SLC18A1: variants seen among roughly 807,000 people sequenced by gnomAD.
SLC18A1 encodes solute carrier family 18 member A1.
In SLC18A1, 69 loss-of-function variants were observed where a neutral mutation model predicts 53.7. The ratio of observed to expected loss-of-function variants is 1.28; its 90% CI spans 1.06 to 1.57. SLC18A1 has a LOEUF of 1.57. Ranked by LOEUF, SLC18A1 falls within the 40% of genes most tolerant of loss-of-function variation. The pLI is 0.00. For synonymous variants in SLC18A1, 320 were observed against 248.1 expected (o/e 1.29, Z -2.72); for missense variants, 932 against 668.1 (o/e 1.40, Z -4.35).
intron 10 of SLC18A1, among the ~76,000 whole-genome samples, chr8:20,162,785 T>G (rs983824833): frequency 2.4e-4 from 36 of 152,166 alleles, no homozygotes; most frequent in African/African-American, 8.4e-4. Flanking sequence ...CTAAAAAGAT[T>G]CAGACTTTCT....
chr8:20,180,041 TG>T (rs1176722084), intron 2 of SLC18A1, among the ~76,000 whole-genome samples: 21 of 152,138 alleles, frequency 1.4e-4, no homozygotes, highest in Admixed American at 1.4e-3. Flanking sequence ...TTAACACTTC[TG>T]AACTTCTTTT....
Position 20,178,994 on chromosome 8 carries a change from A to G in SLC18A1, c.488+127T>C. On this transcript the variant is annotated intron_variant, in intron 3 of 15. Coordinates refer to ENST00000276373, the MANE Select transcript of SLC18A1 (RefSeq NM_003053.4). ...ATTCTTTGAGTAACGAGCTTTCCGA[A>G]TAGCTGACTCCCCTGAGGAATCATA... 11 of 1,151,654 alleles carry G rather than the reference A, an allele frequency of 9.6e-6. No individual in the cohort carries two copies. The South Asian group carries it at 1.8e-4, about 19-fold the overall frequency. The allele number at this position is 1,151,654 out of a possible 1,614,324, so 71.3% of individuals were successfully genotyped here. A position where few individuals can be genotyped will look rare whatever the true frequency, so the allele number is the denominator to read the frequency against.
intron 10 of SLC18A1, among the ~76,000 whole-genome samples, chr8:20,164,627 C>T (rs1484567248): frequency 6.6e-6 from 1 of 152,186 alleles, no homozygotes; most frequent in Non-Finnish European, 1.5e-5. Context: ...AATCATTAAT[C>T]ATCCTACTAC....
In SLC18A1 at chr8:20,165,034, A is replaced by G. The variant is rs977486886; in HGVS notation, c.919+13T>C. ...GACACTCCCCGCCCAATGGGAGGTCATCGCCAGCTTACCTGCAGCCACCAG... is the reference window on the plus strand; with the variant it reads ...GACACTCCCCGCCCAATGGGAGGTCGTCGCCAGCTTACCTGCAGCCACCAG... On this transcript the variant is annotated intron_variant, in intron 9 of 15. Transcript: ENST00000276373. 4.3e-6 allele frequency: 7 copies of G among 1,614,044 alleles called. No individual in the cohort carries two copies. The Admixed American group carries it at 5.0e-5, about 12-fold the overall frequency.
chr8:20,147,891 CT>C lies in SLC18A1; in HGVS notation c.1210+115del, dbSNP rs2128866989. 3 of 1,437,820 alleles carry C rather than the reference CT, an allele frequency of 2.1e-6. No individual in the cohort carries two copies. The East Asian group carries it at 7.2e-5, about 34-fold the overall frequency. 89.1% of individuals were successfully genotyped at this position (1,437,820 alleles called of 1,614,324 possible). A position where few individuals can be genotyped will look rare whatever the true frequency, so the allele number is the denominator to read the frequency against. On this transcript the variant is annotated intron_variant, in intron 13 of 15. Coordinates refer to ENST00000276373, the MANE Select transcript of SLC18A1 (RefSeq NM_003053.4). Reference sequence around the variant, plus strand: ...TCTCTCCACAACCCTGCCAGCTGCCCTCCTGATCCTTCTGCCTCTGCACCTA... The same window carrying C: ...TCTCTCCACAACCCTGCCAGCTGCCCCCTGATCCTTCTGCCTCTGCACCTA...
At position 20,150,744 on chromosome 8, in the gene SLC18A1, C is replaced by T. The variant is rs773971258; in HGVS notation, c.1016G>A (p.Gly339Asp). ...CACACTGGCAGGCAAGAAAGCTAGA[C>T]CTGTGGAAGGACACAGATCCTTACC... ...QTMCSPKWQL[G>D]LAFLPASVSY... is the part of the protein sequence containing the mutation. Residue 339 changes from glycine (G) to aspartate (D), a missense_variant and splice_region_variant, in exon 11 of 16, where the codon GGT becomes GAT. By Grantham distance (94) the Gly-to-Asp change is moderately conservative. Coordinates refer to ENST00000276373, the MANE Select transcript of SLC18A1 (RefSeq NM_003053.4). The T allele has an allele frequency of 1.2e-6, 2 of 1,613,822 alleles. No individual in the cohort carries two copies. Among genetic ancestry groups the T allele is most frequent in the Admixed American group, 3.3e-5 (2 of 60,030 alleles).
chr8:20,176,764 T>C (rs1419917355), intron 4 of SLC18A1, among the ~76,000 whole-genome samples: 1 of 152,244 alleles, frequency 6.6e-6, no homozygotes, highest in Non-Finnish European at 1.5e-5. Context: ...ATGGAAATAA[T>C]AATTATTTAA....
At chr8:20,179,016 C>G in intron 3 of SLC18A1, 105 bp downstream of exon 3, 1 of 1,367,556 alleles carries the variant, frequency 7.3e-7, no homozygotes, top group Non-Finnish European at 9.9e-7. Context: ...CCTGAGGAAT[C>G]ATACAAGTGA....
intron 8 of SLC18A1, among the ~76,000 whole-genome samples, chr8:20,168,762 G>A (rs191777753): frequency 6.6e-6 from 1 of 152,146 alleles, no homozygotes; most frequent in African/African-American, 2.4e-5. Context: ...CAGAGACAGG[G>A]TTTTGCCATG....
At chr8:20,179,670 C>T (rs895915377) in intron 2 of SLC18A1, among the ~76,000 whole-genome samples, 186 bp from the exon 3 acceptor site, 11 of 152,190 alleles carry the variant, frequency 7.2e-5, no homozygotes, top group Non-Finnish European at 1.2e-4. Context: ...CAGCCTTATG[C>T]CCAAGGCTGG....
Position 20,146,822 on chromosome 8 carries a change from C to CA in SLC18A1, c.1464+435dup, listed in dbSNP as rs10604873. Among the ~76,000 whole-genome samples the CA allele has an allele frequency of 5.3e-3, 733 of 137,712 alleles. 5 individuals are homozygous for CA. The highest frequency in any genetic ancestry group is 0.015 in the African/African-American group (562 of 37,446). The allele number at this position is 137,712 out of a possible 152,430, so 90.3% of individuals were successfully genotyped here. On this transcript the variant is annotated intron_variant, in intron 15 of 15. Coordinates refer to ENST00000276373, the MANE Select transcript of SLC18A1 (RefSeq NM_003053.4). ...CTGGGCAACAAGAGTGAAACTCCAT[C>CA]AAAAAAAAAAAAAAAAAGTGACCTG...
chr8:20,169,644 T>C (rs2072060119), intron 8 of SLC18A1, among the ~76,000 whole-genome samples: 1 of 152,152 alleles, frequency 6.6e-6, no homozygotes, highest in Admixed American at 6.5e-5. Context: ...TTTGGGAGGC[T>C]GAGGCGGATG....
chr8:20,182,965 C>G (rs1305941314), intron 1 of SLC18A1, 98 bp downstream of exon 1: 1 of 152,174 alleles, frequency 6.6e-6, no homozygotes. Flanking sequence ...AATTTGCCAA[C>G]AAATCAATAG....
At position 20,147,225 on chromosome 8, in the gene SLC18A1, T is replaced by C. The variant is rs373801470; in HGVS notation, c.1464+33A>G. ...GAGAGATGATGGAAAGAAACAGAAG[T>C]GAATTTCTCTTTTAACAGTCGGTGC... On this transcript the variant is annotated intron_variant, in intron 15 of 15. Coordinates refer to ENST00000276373, the MANE Select transcript of SLC18A1 (RefSeq NM_003053.4). 8.3e-6 allele frequency: 13 copies of C among 1,564,638 alleles called. No homozygotes were observed. In the African/African-American group the frequency reaches 1.5e-4, roughly 18 times the overall value.
chr8:20,178,838 A>C (rs2072325564), intron 3 of SLC18A1, among the ~76,000 whole-genome samples: 1 of 152,118 alleles, frequency 6.6e-6, no homozygotes, highest in Non-Finnish European at 1.5e-5. Context: ...CCCTTTTCCC[A>C]TTCAAGCCAT....
chr8:20,147,764 G>T, intron 13 of SLC18A1, 42 bp from the exon 14 acceptor site: 1 of 1,599,226 alleles, frequency 6.3e-7, no homozygotes, highest in Non-Finnish European at 8.5e-7. Flanking sequence ...CCCACCCACA[G>T]TTAGTACCAC....
chr8:20,160,317 C>A (rs939032157), intron 10 of SLC18A1, among the ~76,000 whole-genome samples: 1 of 149,840 alleles, frequency 6.7e-6, no homozygotes, highest in Non-Finnish European at 1.5e-5. Context: ...TCCTTGACAT[C>A]ATTTTAAATG....
At chr8:20,173,366 A>T (rs2072175153) in intron 5 of SLC18A1, among the ~76,000 whole-genome samples, 1 of 152,234 alleles carries the variant, frequency 6.6e-6, no homozygotes, top group African/African-American at 2.4e-5. Context: ...CTCTGGAAGG[A>T]TAACACAGAA....
rs57254979 is a variant in SLC18A1, at chr8:20,162,757, C to G, written c.1015+2112G>C. On this transcript the variant is annotated intron_variant, in intron 10 of 15. Transcript: ENST00000276373. Reference sequence around the variant, plus strand: ...CATATTTCTATCAACATTCTGGTCACAACCTCTTAACCAATGTCTAAAAAG... The same window carrying G: ...CATATTTCTATCAACATTCTGGTCAGAACCTCTTAACCAATGTCTAAAAAG... 5.1e-3 allele frequency among the ~76,000 whole-genome samples: 782 copies of G among 152,318 alleles called. 9 individuals carry two copies. Among genetic ancestry groups the G allele is most frequent in the African/African-American group, 0.018 (735 of 41,570 alleles).
Sources: gnomAD v4.1 joint callset for allele counts (sites outside exome capture counted in the v4.1 genomes callset) on GRCh38, gnomAD v4.1.1 for gene constraint, MANE v1.5 for transcripts, NCBI Gene and HGNC (gene_info 2026-07-23, HGNC 2026-07-21) for gene names.